FRMPD1: variants seen among roughly 807,000 people sequenced by gnomAD.
FRMPD1 encodes FERM and PDZ domain containing 1.
Under a neutral mutation model 117.8 loss-of-function variants are expected in FRMPD1, and 76 were observed. That is an observed-to-expected ratio of 0.65 (90% CI 0.54 to 0.78). The LOEUF is 0.78. FRMPD1 is among the 30% of genes least tolerant of loss of function. The pLI, the probability that FRMPD1 is intolerant of heterozygous loss-of-function variation, is 0.00. For missense variants in FRMPD1, 1,786 were observed against 1,964.5 expected, an observed-to-expected ratio of 0.91 and a Z score of 1.72; for synonymous variants, 783 against 770.4, an observed-to-expected ratio of 1.02 and a Z score of -0.27.
chr9:37,631,278 C>T, the FRMPD1 span, among the ~76,000 whole-genome samples: 1 of 152,232 alleles, frequency 6.6e-6, no homozygotes, highest in Non-Finnish European at 1.5e-5. Flanking sequence ...AGTATCCCTA[C>T]AATGGGTGAA....
At chr9:37,604,892 T>G in the FRMPD1 span, among the ~76,000 whole-genome samples, 1 of 152,240 alleles carries the variant, frequency 6.6e-6, no homozygotes, top group Admixed American at 6.5e-5. Context: ...TGAGCATTTC[T>G]GCTGTGCCAA....
chr9:37,688,690 G>T (rs909750509), intron 1 of FRMPD1, among the ~76,000 whole-genome samples: 2 of 151,964 alleles, frequency 1.3e-5, no homozygotes, highest in Non-Finnish European at 2.9e-5. Context: ...TATGATCAGA[G>T]AAAATAATAC....
At chr9:37,635,807 C>T in the FRMPD1 span, among the ~76,000 whole-genome samples, 2 of 152,166 alleles carry the variant, frequency 1.3e-5, no homozygotes, top group African/African-American at 4.8e-5. Flanking sequence ...AGAGAAGTAG[C>T]GGCAGGGGAT....
intron 7 of FRMPD1, among the ~76,000 whole-genome samples, chr9:37,729,315 A>T (rs563377019): frequency 5.0e-5 from 7 of 140,116 alleles, no homozygotes; most frequent in African/African-American, 1.8e-4. Flanking sequence ...CCCAGGAGGC[A>T]AGGGTTGTAG....
intron 5 of FRMPD1, among the ~76,000 whole-genome samples, chr9:37,713,360 C>T (rs918459241): frequency 6.6e-6 from 1 of 152,062 alleles, no homozygotes; most frequent in Non-Finnish European, 1.5e-5. Flanking sequence ...CCTGTAATCC[C>T]AGCATTTTGG....
the FRMPD1 span, among the ~76,000 whole-genome samples, chr9:37,618,742 T>A: frequency 6.6e-6 from 1 of 152,220 alleles, no homozygotes; most frequent in Non-Finnish European, 1.5e-5. Flanking sequence ...TTTCCCCTTC[T>A]TCTTGCCTTC....
chr9:37,628,940 T>C, the FRMPD1 span, among the ~76,000 whole-genome samples: 1 of 152,224 alleles, frequency 6.6e-6, no homozygotes, highest in East Asian at 1.9e-4. Context: ...GGCTCACGCC[T>C]GTAATCCCAG....
chr9:37,689,724 A>G (rs187933382), intron 1 of FRMPD1, among the ~76,000 whole-genome samples: 33 of 152,318 alleles, frequency 2.2e-4, no homozygotes, highest in Non-Finnish European at 4.1e-4. Context: ...TGAAAGGTAA[A>G]TTTTTAGAGA....
At position 37,702,104 on chromosome 9, in the gene FRMPD1, C is replaced by T. The variant is rs138212606; in HGVS notation, c.102-5312C>T. 2.4e-3 allele frequency among the ~76,000 whole-genome samples: 371 copies of T among 152,214 alleles called. 2 individuals are homozygous for T. Among genetic ancestry groups the T allele is most frequent in the African/African-American group, 8.6e-3 (359 of 41,532 alleles). On this transcript the variant is annotated intron_variant, in intron 2 of 15. Transcript: ENST00000377765. ...ATAGCCATAGGGTTGAGCTATATAT[C>T]GAGTTAAGCAAACATAAAGGAAAAT...
At chr9:37,625,491 G>A in the FRMPD1 span, among the ~76,000 whole-genome samples, 1 of 152,114 alleles carries the variant, frequency 6.6e-6, no homozygotes. Context: ...GCGCAGGAGT[G>A]TTTCCCGTTT....
Position 37,745,958 on chromosome 9 carries a change from G to A in FRMPD1, c.3926G>A (p.Ser1309Asn). Residue 1309 changes from serine to asparagine, a missense_variant, in exon 16 of 16, where the codon AGT (serine) becomes AAT (asparagine). Ser to Asn is a conservative substitution (Grantham distance 46, BLOSUM62 1). Coordinates refer to ENST00000377765, the MANE Select transcript of FRMPD1 (RefSeq NM_014907.3). Reference sequence around the variant, plus strand: ...GAAAGCCATCCTGAAGTCTCTGCCAGTCTCAGGGTGGCCACATCTTTGGGT... The same window carrying A: ...GAAAGCCATCCTGAAGTCTCTGCCAATCTCAGGGTGGCCACATCTTTGGGT... ...APESHPEVSA[S>N]LRVATSLGFA... The A allele has an allele frequency of 6.2e-7, 1 of 1,614,242 alleles. No individual in the cohort carries two copies.
chr9:37,738,742 TTGTGGGGGGGAC>T (rs941080308), intron 14 of FRMPD1, among the ~76,000 whole-genome samples: 1 of 150,602 alleles, frequency 6.6e-6, no homozygotes, highest in Non-Finnish European at 1.5e-5. Context: ...TGTGGAGGGG[TTGTGGGGGGGAC>T]TGCTGCTGCC....
chr9:37,684,365 T>C (rs1277873388), intron 1 of FRMPD1, among the ~76,000 whole-genome samples: 2 of 152,274 alleles, frequency 1.3e-5, no homozygotes, highest in African/African-American at 2.4e-5. Flanking sequence ...AGATAACCTG[T>C]ATACATTGCT....
At chr9:37,670,697 A>G (rs1821321281) in intron 1 of FRMPD1, among the ~76,000 whole-genome samples, 1 of 152,226 alleles carries the variant, frequency 6.6e-6, no homozygotes, top group African/African-American at 2.4e-5. Context: ...GGTTTTGAAT[A>G]AGGGGGAGGT....
rs772317319 is a variant in FRMPD1, at chr9:37,744,678, A to G, written c.2646A>G (p.Pro882=). The G allele has an allele frequency of 8.1e-6, 13 of 1,613,904 alleles. No individual in the cohort carries two copies. The South Asian group carries it at 1.1e-4, about 14-fold the overall frequency. The change falls in exon 16 of 16, where the codon CCA becomes CCG. Residue 882 remains proline (P), a synonymous_variant. Coordinates refer to ENST00000377765, the MANE Select transcript of FRMPD1 (RefSeq NM_014907.3). ...ACCTGGCCCTTGGTGCACCCTCCCC[A>G]ACTGTGTCCTCTCTGCAGGACATGC... ...EPYLALGAPS[P]TVSSLQDMQG...
At chr9:37,685,970 T>G (rs1483120729) in intron 1 of FRMPD1, among the ~76,000 whole-genome samples, 4 of 152,280 alleles carry the variant, frequency 2.6e-5, no homozygotes, top group African/African-American at 9.6e-5. Context: ...ATTGTCTGTT[T>G]GCATTTAAAA....
At chr9:37,671,468 G>T (rs1429926311) in intron 1 of FRMPD1, among the ~76,000 whole-genome samples, 2 of 152,114 alleles carry the variant, frequency 1.3e-5, no homozygotes, top group Non-Finnish European at 2.9e-5. Context: ...AGTATTTAGT[G>T]AACATCTATT....
the FRMPD1 span, among the ~76,000 whole-genome samples, chr9:37,630,881 T>C: frequency 6.6e-6 from 1 of 152,192 alleles, no homozygotes; most frequent in African/African-American, 2.4e-5. Context: ...TTTAGATAAC[T>C]TGACTTTTTC....
In FRMPD1 at chr9:37,733,717, T is replaced by G; in HGVS notation, c.1123-13T>G. The G allele has an allele frequency of 1.3e-6, 2 of 1,595,428 alleles. No homozygotes were observed. The highest frequency in any genetic ancestry group is 1.7e-6 in the Non-Finnish European group (2 of 1,163,240). Reference sequence around the variant, plus strand: ...ATAACTCTGACTTCAAGTGTTTTTTTTTCTCTATTAAGCAACTTATTTCTG... The same window carrying G: ...ATAACTCTGACTTCAAGTGTTTTTTGTTCTCTATTAAGCAACTTATTTCTG... On this transcript the variant is annotated splice_polypyrimidine_tract_variant and intron_variant, in intron 11 of 15. Coordinates refer to ENST00000377765, the MANE Select transcript of FRMPD1 (RefSeq NM_014907.3).
Sources: gnomAD v4.1 joint callset for allele counts (sites outside exome capture counted in the v4.1 genomes callset) on GRCh38, gnomAD v4.1.1 for gene constraint, MANE v1.5 for transcripts, NCBI Gene and HGNC (gene_info 2026-07-23, HGNC 2026-07-21) for gene names.